The following LASP1 variants were observed in gnomAD, a reference collection of about 807,000 sequenced individuals.
LASP1 encodes LIM and SH3 domain protein 1.
A neutral mutation model predicts 38.6 loss-of-function variants in LASP1; 10 were observed. That is an observed-to-expected ratio of 0.26 (90% CI 0.16 to 0.44). The LOEUF (loss-of-function observed/expected upper bound fraction) is 0.44. LASP1 is among the 20% of genes least tolerant of loss of function. LASP1 has a pLI of 1.00. For missense variants in LASP1, 243 were observed against 375.7 expected (o/e 0.65, Z 2.92); for synonymous variants, 132 against 140.8 (o/e 0.94, Z 0.44).
rs376850603 is a variant in LASP1 at position 38,918,593 on chromosome 17, C to T, written c.613-12C>T. ...CATGCAGGGCCCTAGGCTGACCACA[C>T]TTCCCCCACAGAAGCGGTACCGCGC... On this transcript the variant is annotated splice_polypyrimidine_tract_variant and intron_variant, in intron 6 of 6. Coordinates refer to ENST00000318008, the MANE Select transcript of LASP1 (RefSeq NM_006148.4). This position sits in a 1 kb window ranked among gnomAD's most constrained non-coding sequence, Gnocchi z 4.4. 3.2e-5 allele frequency: 50 copies of T among 1,576,770 alleles called. No individual in the cohort carries two copies. In the East Asian group the frequency reaches 5.9e-4, roughly 19 times the overall value.
At chr17:38,884,014 T>TG (rs984544700) in intron 2 of LASP1, among the ~76,000 whole-genome samples, 2 of 151,240 alleles carry the variant, frequency 1.3e-5, no homozygotes, top group Non-Finnish European at 3.0e-5. Flanking sequence ...AGGCAGGATG[T>TG]GGGGGCTGTT....
At position 38,907,395 on chromosome 17, in the gene LASP1, G is replaced by C. The variant is rs975072217; in HGVS notation, c.358-6930G>C. Among the ~76,000 whole-genome samples the C allele has an allele frequency of 2.6e-5, 4 of 152,098 alleles. No homozygotes were observed. The East Asian group carries it at 5.8e-4, about 22-fold the overall frequency. Reference sequence around the variant, plus strand: ...GCAGCAGACATGAACTGGGACTTGGGCGTGTGGTCACCCTGCTCCACACCT... The same window carrying C: ...GCAGCAGACATGAACTGGGACTTGGCCGTGTGGTCACCCTGCTCCACACCT... On this transcript the variant is annotated intron_variant, in intron 4 of 6. Coordinates refer to ENST00000318008, the MANE Select transcript of LASP1 (RefSeq NM_006148.4).
Position 38,920,306 on chromosome 17 carries a change from C to T in LASP1, c.*1528C>T. ...CGGGGGCTCTTCCCCTAGACCTCCC[C>T]CTCACTTACATAAAGCTCCCTTGAA... is the stretch of plus-strand genomic sequence containing the variant. On this transcript the variant is annotated 3_prime_UTR_variant, in exon 7 of 7. Transcript: ENST00000318008. 1 of 393,554 alleles carries T rather than the reference C, an allele frequency of 2.5e-6. No individual in the cohort carries two copies. The highest frequency in any genetic ancestry group is 4.9e-6 in the Non-Finnish European group (1 of 204,242). The allele number at this position is 393,554 out of a possible 1,614,324, so 24.4% of individuals were successfully genotyped here.
At chr17:38,891,341 G>T (rs1914317958) in intron 3 of LASP1, among the ~76,000 whole-genome samples, 1 of 152,104 alleles carries the variant, frequency 6.6e-6, no homozygotes, top group African/African-American at 2.4e-5. Context: ...CCACAGAGGG[G>T]ATCTCTCCCA....
intron 4 of LASP1, among the ~76,000 whole-genome samples, chr17:38,900,889 C>A (rs1914624148): frequency 6.6e-6 from 1 of 152,190 alleles, no homozygotes; most frequent in African/African-American, 2.4e-5. Context: ...TGGCCTCACG[C>A]CCTGGAGCTT....
intron 4 of LASP1, chr17:38,899,055 C>G (rs1914570551): frequency 3.0e-6 from 1 of 334,396 alleles, no homozygotes; most frequent in Non-Finnish European, 6.0e-6. Context: ...TCAGTGGCAT[C>G]TGGCTGTGGC....
chr17:38,886,539 G>A (rs1333905627), intron 2 of LASP1, among the ~76,000 whole-genome samples: 2 of 152,140 alleles, frequency 1.3e-5, no homozygotes, highest in Non-Finnish European at 2.9e-5. Context: ...CCTTCTGATG[G>A]GATTAGCACT....
chr17:38,870,122 G>A lies in LASP1; in HGVS notation c.-68G>A. 6.3e-7 allele frequency: 1 copy of A among 1,586,294 alleles called. No individual in the cohort carries two copies. Among genetic ancestry groups the A allele is most frequent in the East Asian group, 2.2e-5 (1 of 44,478 alleles). ...GTAGTTGCAGCCGCGGCCGCCTCCC[G>A]CCAGCTCGCCTCGGGGAACAGGACG... On this transcript the variant is annotated 5_prime_UTR_variant, in exon 1 of 7. Coordinates refer to ENST00000318008, the MANE Select transcript of LASP1 (RefSeq NM_006148.4).
intron 4 of LASP1, 67 bp downstream of exon 4, chr17:38,898,586 G>T: frequency 8.4e-7 from 1 of 1,192,900 alleles, no homozygotes; most frequent in African/African-American, 1.5e-5. Context: ...TGCCAGCCTG[G>T]CAGACGCAAG....
intron 4 of LASP1, 150 bp downstream of exon 4, chr17:38,898,669 G>T (rs139844955): frequency 1.4e-6 from 1 of 692,700 alleles, no homozygotes; most frequent in Non-Finnish European, 2.6e-6. Flanking sequence ...AAGAGCTTGG[G>T]GTTCCCAGAT....
intron 1 of LASP1, among the ~76,000 whole-genome samples, chr17:38,873,400 C>G (rs1034123852): frequency 2.0e-5 from 3 of 152,190 alleles, no homozygotes; most frequent in Non-Finnish European, 4.4e-5. Context: ...TGTATTCGCT[C>G]TTGTAAACGA....
chr17:38,892,806 C>T (rs1257061737), intron 3 of LASP1, among the ~76,000 whole-genome samples: 2 of 152,220 alleles, frequency 1.3e-5, no homozygotes, highest in African/African-American at 2.4e-5. Flanking sequence ...GCCAGCACCA[C>T]GCTCTGGGTT....
chr17:38,879,637 T>A (rs1329800885), intron 2 of LASP1, among the ~76,000 whole-genome samples: 3 of 150,576 alleles, frequency 2.0e-5, no homozygotes, highest in Non-Finnish European at 4.4e-5. Context: ...GAAAAAAAAA[T>A]TTGGGACTTG....
chr17:38,877,807 C>T (rs1311655033), intron 1 of LASP1, among the ~76,000 whole-genome samples: 1 of 152,170 alleles, frequency 6.6e-6, no homozygotes, highest in African/African-American at 2.4e-5. Flanking sequence ...GCTGCCACTG[C>T]TATAACTGGG....
chr17:38,884,738 G>A (rs1422757929), intron 2 of LASP1, among the ~76,000 whole-genome samples: 1 of 143,424 alleles, frequency 7.0e-6, no homozygotes, highest in Non-Finnish European at 1.5e-5. Flanking sequence ...TCTCCCAGGT[G>A]GAAGTGCAGA....
chr17:38,898,602 C>G (rs1053392231), intron 4 of LASP1, 83 bp downstream of exon 4: 1 of 1,066,354 alleles, frequency 9.4e-7, no homozygotes. Context: ...GCAAGCCTGG[C>G]AGATGTGAAT....
chr17:38,880,532 T>G (rs1324861253), intron 2 of LASP1, among the ~76,000 whole-genome samples: 1 of 152,240 alleles, frequency 6.6e-6, no homozygotes, highest in African/African-American at 2.4e-5. Flanking sequence ...CTCCAGCTTT[T>G]GTAGCCCTAG....
chr17:38,888,027 G>T (rs1210853037), intron 2 of LASP1, among the ~76,000 whole-genome samples: 1 of 152,178 alleles, frequency 6.6e-6, no homozygotes, highest in Non-Finnish European at 1.5e-5. Context: ...AGGGGTCATA[G>T]CTGTGGTGGG....
chr17:38,898,677 G>C (rs1451970527), intron 4 of LASP1, 158 bp downstream of exon 4: 1 of 683,834 alleles, frequency 1.5e-6, no homozygotes. Context: ...GGGGTTCCCA[G>C]ATGCCTCTTC....
Sources: allele counts gnomAD v4.1 joint callset (sites outside exome capture counted in the v4.1 genomes callset), GRCh38; gene constraint gnomAD v4.1.1; non-coding constraint Gnocchi (gnomAD v3.1); transcripts MANE v1.5; gene names NCBI Gene and HGNC (gene_info 2026-07-23, HGNC 2026-07-21).